Variants in SETBP1 observed in about 807,000 individuals in gnomAD.
SETBP1 encodes SET binding protein 1.
In SETBP1, 9 loss-of-function variants were observed where a neutral mutation model predicts 101.0. The observed-to-expected ratio is 0.09, with a 90% CI of 0.05 to 0.16. The LOEUF (loss-of-function observed/expected upper bound fraction) is 0.16. SETBP1 is among the 10% of genes least tolerant of loss of function. The probability of loss-of-function intolerance (pLI) is 1.00; values close to 1 mark genes in which losing one functional copy is unlikely to be tolerated. For missense variants in SETBP1, 1,858 were observed against 2,033.8 expected, an observed-to-expected ratio of 0.91 and a Z score of 1.66; for synonymous variants, 818 against 788.5, an observed-to-expected ratio of 1.04 and a Z score of -0.63.
Position 44,787,337 on chromosome 18 carries a change from C to A in SETBP1, c.487-81893C>A, listed in dbSNP as rs80042515. 2.6e-5 allele frequency among the ~76,000 whole-genome samples: 4 copies of A among 152,300 alleles called. No individual in the cohort carries two copies. The East Asian group carries it at 7.7e-4, about 29-fold the overall frequency. On this transcript the variant is annotated intron_variant, in intron 2 of 5. Transcript: ENST00000649279. ...TCAGAGTCTTCACAAACAGGAACTG[C>A]TTTCCTTCTCAGAAAAAAATGCTGC...
intron 4 of SETBP1, among the ~76,000 whole-genome samples, chr18:44,955,193 T>G (rs1232066576): frequency 2.0e-5 from 3 of 152,242 alleles, no homozygotes; most frequent in Non-Finnish European, 4.4e-5. Context: ...TCACGTCCAG[T>G]CACTGTGTGC....
At position 44,888,173 on chromosome 18, in the gene SETBP1, G is replaced by A. The variant is rs1052483358; in HGVS notation, c.540+18890G>A. On this transcript the variant is annotated intron_variant, in intron 3 of 5. Transcript: ENST00000649279. ...GATCAATTTCTACACCAGGTTCCCA[G>A]TGAGTCAACTTGGATAAGTTGAGCC... 2.6e-5 allele frequency among the ~76,000 whole-genome samples: 4 copies of A among 152,102 alleles called. No homozygotes were observed. In the East Asian group the frequency reaches 7.7e-4, roughly 29 times the overall value.
At chr18:45,006,374 G>A (rs2072727524) in intron 4 of SETBP1, among the ~76,000 whole-genome samples, 1 of 152,198 alleles carries the variant, frequency 6.6e-6, no homozygotes, top group Non-Finnish European at 1.5e-5. Flanking sequence ...CTTTGCAACT[G>A]TATCAGTTTG....
rs533984456 is a variant in SETBP1, at chr18:44,826,839, C to T, written c.487-42391C>T. Among the ~76,000 whole-genome samples the T allele has an allele frequency of 2.0e-5, 3 of 152,324 alleles. No individual in the cohort carries two copies. The East Asian group carries it at 5.8e-4, about 29-fold the overall frequency. On this transcript the variant is annotated intron_variant, in intron 2 of 5. Coordinates refer to ENST00000649279, the MANE Select transcript of SETBP1 (RefSeq NM_015559.3). ...AGGCCCCTGCAGACCAGACCAGCCT[C>T]AGCCTGGCCCTTCTGTGGTTCAAAC...
intron 2 of SETBP1, among the ~76,000 whole-genome samples, chr18:44,791,136 CT>C (rs2144729685): frequency 6.6e-6 from 1 of 152,160 alleles, no homozygotes; most frequent in South Asian, 2.1e-4. Flanking sequence ...GGATTTTGTC[CT>C]GCCCTCAATT....
chr18:44,993,631 G>A (rs1568015420), intron 4 of SETBP1, among the ~76,000 whole-genome samples: 1 of 151,898 alleles, frequency 6.6e-6, no homozygotes, highest in Non-Finnish European at 1.5e-5. Context: ...AAATACAATT[G>A]AGAAAAATAT....
chr18:44,858,474 T>C (rs1382480102), intron 2 of SETBP1, among the ~76,000 whole-genome samples: 13 of 152,222 alleles, frequency 8.5e-5, no homozygotes, highest in Admixed American at 2.6e-4. Flanking sequence ...CTAATTAAAA[T>C]AAACAAGCAA....
chr18:45,029,404 G>C (rs2073241768), intron 4 of SETBP1, among the ~76,000 whole-genome samples: 1 of 151,950 alleles, frequency 6.6e-6, no homozygotes, highest in Non-Finnish European at 1.5e-5. Context: ...ATGCTGTTTT[G>C]GTTACTGTAG....
intron 2 of SETBP1, among the ~76,000 whole-genome samples, chr18:44,850,517 A>T (rs2144581857): frequency 6.6e-6 from 1 of 152,068 alleles, no homozygotes; most frequent in Non-Finnish European, 1.5e-5. Flanking sequence ...ACTACAGGCG[A>T]ACGTCACCAT....
At chr18:44,810,972 C>T (rs780287097) in intron 2 of SETBP1, among the ~76,000 whole-genome samples, 3 of 152,162 alleles carry the variant, frequency 2.0e-5, no homozygotes, top group Admixed American at 6.5e-5. Flanking sequence ...GAAGGGGGCT[C>T]ATGACTCAGT....
chr18:44,761,150 TA>T (rs780272650), intron 2 of SETBP1, among the ~76,000 whole-genome samples: 3 of 152,220 alleles, frequency 2.0e-5, no homozygotes, highest in Non-Finnish European at 4.4e-5. Context: ...ATAATTGACA[TA>T]ATAATTTTAC....
chr18:44,963,545 AG>A (rs1402103930), intron 4 of SETBP1, among the ~76,000 whole-genome samples: 3 of 152,198 alleles, frequency 2.0e-5, no homozygotes, highest in African/African-American at 7.2e-5. Context: ...TTACAATTTA[AG>A]GGGCTTTACC....
At chr18:44,851,170 C>G (rs1272577211) in intron 2 of SETBP1, among the ~76,000 whole-genome samples, 1 of 152,092 alleles carries the variant, frequency 6.6e-6, no homozygotes, top group African/African-American at 2.4e-5. Context: ...TACCCTTCAA[C>G]CCAAGAGCCA....
At chr18:44,896,873 A>C (rs1311563744) in intron 3 of SETBP1, among the ~76,000 whole-genome samples, 1 of 151,992 alleles carries the variant, frequency 6.6e-6, no homozygotes, top group Non-Finnish European at 1.5e-5. Flanking sequence ...CAGTTTGTCA[A>C]TGTCCTTCTT....
rs543913790 is a variant in SETBP1, at chr18:44,972,280, C to T, written c.4000+18940C>T. Among the ~76,000 whole-genome samples, 18 of 152,254 alleles carry T rather than the reference C, an allele frequency of 1.2e-4. 1 individual carries two copies. The highest frequency in any genetic ancestry group is 4.1e-4 in the African/African-American group (17 of 41,544). ...CCCATGCTGTTTTGGTTACTGTAGCCTTGCAGTATAGTTTGAAGTCAGGTA... is the reference window on the plus strand; with the variant it reads ...CCCATGCTGTTTTGGTTACTGTAGCTTTGCAGTATAGTTTGAAGTCAGGTA... On this transcript the variant is annotated intron_variant, in intron 4 of 5. Coordinates refer to ENST00000649279, the MANE Select transcript of SETBP1 (RefSeq NM_015559.3).
chr18:44,792,350 C>T (rs1488378947), intron 2 of SETBP1, among the ~76,000 whole-genome samples: 2 of 152,158 alleles, frequency 1.3e-5, no homozygotes, highest in Non-Finnish European at 2.9e-5. Flanking sequence ...ATTTTTAGGT[C>T]CCATCGAATT....
chr18:44,791,980 G>A (rs990535872), intron 2 of SETBP1, among the ~76,000 whole-genome samples: 1 of 152,058 alleles, frequency 6.6e-6, no homozygotes. Flanking sequence ...CTTCAGTCCT[G>A]GTTCTGACAC....
At chr18:44,925,117 T>A (rs1017097717) in intron 3 of SETBP1, among the ~76,000 whole-genome samples, 1 of 151,644 alleles carries the variant, frequency 6.6e-6, no homozygotes, top group African/African-American at 2.4e-5. Flanking sequence ...TTTTTTTTTT[T>A]TAAACCACAG....
intron 2 of SETBP1, among the ~76,000 whole-genome samples, chr18:44,713,309 G>T (rs926920634): frequency 6.6e-6 from 1 of 152,018 alleles, no homozygotes; most frequent in African/African-American, 2.4e-5. Context: ...CTAAGGCATA[G>T]TTATTTGACT....
Sources: allele counts gnomAD v4.1 joint callset (sites outside exome capture counted in the v4.1 genomes callset), GRCh38; gene constraint gnomAD v4.1.1; transcripts MANE v1.5; gene names NCBI Gene and HGNC (gene_info 2026-07-23, HGNC 2026-07-21).